R3HDM2: variants seen among roughly 807,000 people sequenced by gnomAD.
R3HDM2 encodes R3H domain containing 2, also known as R3H domain-containing protein 2.
A neutral mutation model predicts 124.5 loss-of-function variants in R3HDM2; 38 were observed. The ratio of observed to expected loss-of-function variants is 0.31; its 90% CI spans 0.24 to 0.40. The LOEUF is 0.40. Ranked by LOEUF, R3HDM2 falls within the 10% of genes least tolerant of loss-of-function variation. The pLI, the probability that R3HDM2 is intolerant of heterozygous loss-of-function variation, is 1.00. For missense variants in R3HDM2, 869 were observed against 1,236.9 expected (o/e 0.70, Z 4.46); for synonymous variants, 391 against 448.0 (o/e 0.87, Z 1.61).
chr12:57,335,260 T>G (rs905995271), intron 2 of R3HDM2, among the ~76,000 whole-genome samples: 1 of 152,030 alleles, frequency 6.6e-6, no homozygotes, highest in African/African-American at 2.4e-5. Context: ...CAGGCTGGAG[T>G]GCAATGGCAT....
At chr12:57,387,797 A>G (rs913817610) in intron 2 of R3HDM2, among the ~76,000 whole-genome samples, 18 of 152,304 alleles carry the variant, frequency 1.2e-4, no homozygotes, top group African/African-American at 3.6e-4. Context: ...AAAGTGTCCA[A>G]TGGATAGTTA....
intron 2 of R3HDM2, among the ~76,000 whole-genome samples, chr12:57,350,201 C>T (rs1358338786): frequency 6.6e-6 from 1 of 151,994 alleles, no homozygotes; most frequent in Non-Finnish European, 1.5e-5. Flanking sequence ...CAGAGCAAGA[C>T]TCTGTCTCAA....
At chr12:57,299,225 C>A (rs1362333587) in intron 6 of R3HDM2, 127 bp downstream of exon 6, 1 of 1,112,042 alleles carries the variant, frequency 9.0e-7, no homozygotes, top group Non-Finnish European at 1.3e-6. Flanking sequence ...TTAGGCATCT[C>A]CTCAAGCAAC....
At chr12:57,428,771 GTC>G (rs1868729751) in intron 1 of R3HDM2, among the ~76,000 whole-genome samples, 1 of 148,306 alleles carries the variant, frequency 6.7e-6, no homozygotes, top group Non-Finnish European at 1.5e-5. Flanking sequence ...TTTTGAGACA[GTC>G]TCTCGCTCTG....
chr12:57,255,412 T>C (rs927714647), intron 23 of R3HDM2, among the ~76,000 whole-genome samples: 9 of 152,218 alleles, frequency 5.9e-5, no homozygotes, highest in Non-Finnish European at 1.3e-4. Context: ...TCTCACAAGG[T>C]GCTACTGCTA....
At position 57,254,702 on chromosome 12, in the gene R3HDM2, C is replaced by G. The variant is rs1024607942; in HGVS notation, c.*71G>C. The G allele has an allele frequency of 7.6e-7, 1 of 1,308,890 alleles. No individual in the cohort carries two copies. The highest frequency in any genetic ancestry group is 1.1e-6 in the Non-Finnish European group (1 of 952,276). The allele number at this position is 1,308,890 out of a possible 1,614,324, so 81.1% of individuals were successfully genotyped here. A position where few individuals can be genotyped will look rare whatever the true frequency, so the allele number is the denominator to read the frequency against. On this transcript the variant is annotated 3_prime_UTR_variant, in exon 24 of 24. Coordinates refer to ENST00000402412, the MANE Select transcript of R3HDM2 (RefSeq NM_001394031.1). Reference sequence around the variant, plus strand: ...CTTACTTCCTGCCTCTGTCCATGGTCTGTCAGGATCCTTCAACCCCCTCCA... The same window carrying G: ...CTTACTTCCTGCCTCTGTCCATGGTGTGTCAGGATCCTTCAACCCCCTCCA...
chr12:57,410,609 T>C (rs1479896471), intron 1 of R3HDM2, among the ~76,000 whole-genome samples: 1 of 152,106 alleles, frequency 6.6e-6, no homozygotes, highest in Admixed American at 6.6e-5. Flanking sequence ...TTCCGACACT[T>C]TGAGAGGCTG....
intron 2 of R3HDM2, among the ~76,000 whole-genome samples, chr12:57,380,688 C>T (rs913195393): frequency 2.0e-5 from 3 of 151,992 alleles, no homozygotes; most frequent in Non-Finnish European, 4.4e-5. Flanking sequence ...TGGGCACTGA[C>T]AAAACAAACT....
intron 2 of R3HDM2, among the ~76,000 whole-genome samples, chr12:57,350,734 C>T (rs866859463): frequency 6.6e-6 from 1 of 152,188 alleles, no homozygotes; most frequent in African/African-American, 2.4e-5. Flanking sequence ...GCAGGAGGAT[C>T]GCTTGAGCTC....
chr12:57,430,546 T>C (rs1384648559), intron 1 of R3HDM2, 174 bp downstream of exon 1: 1 of 979,876 alleles, frequency 1.0e-6, no homozygotes, highest in Non-Finnish European at 1.2e-6. Context: ...CAGCGCACAC[T>C]TGGAGCAGTC....
chr12:57,295,992 C>T (rs929484432), intron 9 of R3HDM2, among the ~76,000 whole-genome samples: 2 of 152,154 alleles, frequency 1.3e-5, no homozygotes, highest in African/African-American at 4.8e-5. Flanking sequence ...GCCTCAGCCT[C>T]CCGAGTAGCT....
chr12:57,369,512 A>C (rs1463241), intron 2 of R3HDM2, among the ~76,000 whole-genome samples: 8,449 of 152,292 alleles, frequency 0.055, 664 homozygotes, highest in African/African-American at 0.18. Context: ...TGGCTATTTC[A>C]GAAATCTAGC....
chr12:57,331,410 C>A (rs911691950), intron 2 of R3HDM2, among the ~76,000 whole-genome samples: 1 of 152,134 alleles, frequency 6.6e-6, no homozygotes, highest in East Asian at 1.9e-4. Context: ...TTATTTTTCT[C>A]GTCGTTTATC....
chr12:57,376,677 C>T (rs1167335184), intron 2 of R3HDM2, among the ~76,000 whole-genome samples: 1 of 151,950 alleles, frequency 6.6e-6, no homozygotes, highest in East Asian at 1.9e-4. Flanking sequence ...GGGACGGGGG[C>T]AGTGGCTCAC....
At chr12:57,343,223 T>A (rs1417917815) in intron 2 of R3HDM2, among the ~76,000 whole-genome samples, 2 of 142,820 alleles carry the variant, frequency 1.4e-5, no homozygotes, top group Non-Finnish European at 3.0e-5. Context: ...GGAGTTTCAC[T>A]CTTGTTGCCC....
chr12:57,348,716 AAAAAAG>A lies in R3HDM2; in HGVS notation c.-35-38259_-35-38254del, dbSNP rs1376424237. ...CTCAAAAAAAAAAAAAAAAAAAAAA[AAAAAAG>A]AGAGAGAAAAATTAGCCAGGCATGG... On this transcript the variant is annotated intron_variant, in intron 2 of 23. Transcript: ENST00000402412. 2.4e-3 allele frequency among the ~76,000 whole-genome samples: 141 copies of A among 57,854 alleles called. 11 individuals carry two copies. The highest frequency in any genetic ancestry group is 7.2e-3 in the African/African-American group (136 of 18,776). 38.0% of individuals were successfully genotyped at this position (57,854 alleles called of 152,430 possible).
At chr12:57,369,649 C>A (rs1239628291) in intron 2 of R3HDM2, among the ~76,000 whole-genome samples, 1 of 152,156 alleles carries the variant, frequency 6.6e-6, no homozygotes, top group East Asian at 1.9e-4. Flanking sequence ...AAATCCCCAA[C>A]ACCTAAGATC....
chr12:57,403,087 G>A (rs2068190403), intron 1 of R3HDM2, among the ~76,000 whole-genome samples: 1 of 152,084 alleles, frequency 6.6e-6, no homozygotes, highest in Non-Finnish European at 1.5e-5. Context: ...CAGGCACGGT[G>A]GCTCATACCT....
intron 2 of R3HDM2, among the ~76,000 whole-genome samples, chr12:57,330,344 T>G (rs2136565880): frequency 6.6e-6 from 1 of 151,884 alleles, no homozygotes; most frequent in Non-Finnish European, 1.5e-5. Flanking sequence ...CTGAATGCAT[T>G]TATTCTTTTT....
Sources: allele counts gnomAD v4.1 joint callset (sites outside exome capture counted in the v4.1 genomes callset), GRCh38; gene constraint gnomAD v4.1.1; transcripts MANE v1.5; gene names NCBI Gene and HGNC (gene_info 2026-07-23, HGNC 2026-07-21).